SRP14: variants seen among roughly 807,000 people sequenced by gnomAD.
SRP14 encodes the protein signal recognition particle 14, also known as signal recognition particle 14 kDa protein.
In SRP14, 1 loss-of-function variant was observed where a neutral mutation model predicts 16.0. That is an observed-to-expected ratio of 0.06 (90% CI 0.02 to 0.30). The LOEUF is 0.30. Ranked by LOEUF, SRP14 falls within the 10% of genes least tolerant of loss-of-function variation. SRP14 has a pLI of 1.00. For missense variants in SRP14, 120 were observed against 163.1 expected, an observed-to-expected ratio of 0.74 and a Z score of 1.44; for synonymous variants, 67 against 60.1, an observed-to-expected ratio of 1.12 and a Z score of -0.53.
Position 40,036,274 on chromosome 15 carries a change from C to G in SRP14, c.*59G>C. On this transcript the variant is annotated 3_prime_UTR_variant, in exon 5 of 5. Transcript: ENST00000267884. ...GGGAACCAGAAACCTAGCTATCTGG[C>G]CAAAAGGAAAAAATAGCAATTCAGT... is the stretch of plus-strand genomic sequence containing the variant. 6.2e-7 allele frequency: 1 copy of G among 1,600,930 alleles called. No homozygotes were observed. Among genetic ancestry groups the G allele is most frequent in the Non-Finnish European group, 8.5e-7 (1 of 1,170,430 alleles).
intron 3 of SRP14, among the ~76,000 whole-genome samples, chr15:40,037,867 T>C (rs535853253): frequency 6.7e-6 from 1 of 150,026 alleles, no homozygotes; most frequent in Non-Finnish European, 1.5e-5. Flanking sequence ...ACTAAATGTA[T>C]ATTTTCTCAA....
chr15:40,039,036 G>A, intron 1 of SRP14, 57 bp downstream of exon 1: 2 of 1,606,904 alleles, frequency 1.2e-6, no homozygotes, highest in East Asian at 2.3e-5. Context: ...AGGAGGCACA[G>A]GTCTCGAGTA....
chr15:40,038,840 C>G (rs749654287), intron 2 of SRP14, 36 bp downstream of exon 2: 11 of 1,609,138 alleles, frequency 6.8e-6, no homozygotes, highest in Non-Finnish European at 9.3e-6. Flanking sequence ...ACCGGGAACC[C>G]AGGGAGCATC....
chr15:40,036,289 A>G lies in SRP14; in HGVS notation c.*44T>C, dbSNP rs1402844811. 1.2e-6 allele frequency: 2 copies of G among 1,605,096 alleles called. No homozygotes were observed. Among genetic ancestry groups the G allele is most frequent in the Non-Finnish European group, 1.7e-6 (2 of 1,172,724 alleles). On this transcript the variant is annotated 3_prime_UTR_variant, in exon 5 of 5. Transcript: ENST00000267884. ...AGCTATCTGGCCAAAAGGAAAAAATAGCAATTCAGTGGTTAATTGGTGAAA... is the reference window on the plus strand; with the variant it reads ...AGCTATCTGGCCAAAAGGAAAAAATGGCAATTCAGTGGTTAATTGGTGAAA...
At chr15:40,038,790 G>A (rs887038614) in intron 2 of SRP14, 86 bp downstream of exon 2, 11 of 1,431,154 alleles carry the variant, frequency 7.7e-6, no homozygotes, top group Non-Finnish European at 9.7e-6. Context: ...GTAGAGGAAG[G>A]CGGCGGTCCG....
rs183402454 is a variant in SRP14 at position 40,036,942 on chromosome 15, C to G, written c.243+44G>C. The G allele has an allele frequency of 1.4e-5, 23 of 1,608,058 alleles. No homozygotes were observed. The East Asian group carries it at 4.7e-4, about 33-fold the overall frequency. ...TACCCAGTGTTCACTATCATACTGACTCTTGCCCTGAGAAGGGAAACATAA... is the reference window on the plus strand; with the variant it reads ...TACCCAGTGTTCACTATCATACTGAGTCTTGCCCTGAGAAGGGAAACATAA... On this transcript the variant is annotated intron_variant, in intron 4 of 4. Coordinates refer to ENST00000267884, the MANE Select transcript of SRP14 (RefSeq NM_003134.6).
rs775429669 is a variant in SRP14, at chr15:40,038,358, G to T, written c.134C>A (p.Thr45Asn). Residue 45 changes from threonine (T) to asparagine (N), a missense_variant, in exon 3 of 5, where the codon ACT becomes AAT. Physicochemically the swap from Thr to Asn is moderately conservative, Grantham distance 65. This residue lies in a region of SRP14 where 44 missense variants were observed against 93.1 expected (regional missense o/e 0.47). Coordinates refer to ENST00000267884, the MANE Select transcript of SRP14 (RefSeq NM_003134.6). ...GTCTGCGGGCTCAAAGCCCTCCACAGTACCCTTCTTTGGAATGGGTTTGGT... is the reference window on the plus strand; with the variant it reads ...GTCTGCGGGCTCAAAGCCCTCCACATTACCCTTCTTTGGAATGGGTTTGGT... The part of the protein sequence containing the change: ...GRTKPIPKKG[T>N]VEGFEPADNK... 4 of 1,614,054 alleles carry T rather than the reference G, an allele frequency of 2.5e-6. No homozygotes were observed. Among genetic ancestry groups the T allele is most frequent in the Non-Finnish European group, 3.4e-6 (4 of 1,179,968 alleles).
intron 2 of SRP14, chr15:40,038,658 C>T: frequency 1.6e-6 from 1 of 617,538 alleles, no homozygotes; most frequent in Admixed American, 2.9e-5. Flanking sequence ...CCCTGGGCTG[C>T]TTGGGGCCCA....
At chr15:40,037,670 T>G (rs749046787) in intron 3 of SRP14, among the ~76,000 whole-genome samples, 27,391 of 71,480 alleles carry the variant, frequency 0.38, 3,576 homozygotes, top group Middle Eastern at 0.48. Context: ...CCACATAAGC[T>G]TGTTTTACTG....
chr15:40,038,218 G>T, intron 3 of SRP14, 64 bp downstream of exon 3: 2 of 1,308,984 alleles, frequency 1.5e-6, no homozygotes, highest in Non-Finnish European at 1.1e-6. Flanking sequence ...GTTCAGAAAC[G>T]CCCCATCCTC....
chr15:40,039,129 G>T lies in SRP14; in HGVS notation c.-13C>A, dbSNP rs369753846. The T allele has an allele frequency of 1.4e-5, 22 of 1,609,820 alleles. No individual in the cohort carries two copies. Among genetic ancestry groups the T allele is most frequent in the East Asian group, 2.2e-5 (1 of 44,768 alleles). ...CCAACAACACCATCGCGGCGACGCT[G>T]GCTCGACTCCCTCCGCTTAAGCCCC... On this transcript the variant is annotated 5_prime_UTR_variant, in exon 1 of 5. Coordinates refer to ENST00000267884, the MANE Select transcript of SRP14 (RefSeq NM_003134.6).
intron 2 of SRP14, chr15:40,038,631 G>A (rs1480052354): frequency 6.6e-6 from 4 of 609,028 alleles, no homozygotes; most frequent in Non-Finnish European, 1.2e-5. Flanking sequence ...GCGGCGTCTG[G>A]GATCCCTGAC....
At chr15:40,037,243 G>C in intron 3 of SRP14, 2 of 1,226,106 alleles carry the variant, frequency 1.6e-6, no homozygotes, top group South Asian at 3.3e-5. Context: ...CATGAGAATT[G>C]CACCAAGAGG....
chr15:40,038,474 G>A, intron 2 of SRP14, 80 bp from the exon 3 acceptor site: 2 of 994,308 alleles, frequency 2.0e-6, no homozygotes, highest in East Asian at 2.4e-5. Flanking sequence ...CAGAGGAGTG[G>A]GGTAAGTGAT....
Position 40,036,835 on chromosome 15 carries a change from G to A in SRP14, c.243+151C>T, listed in dbSNP as rs748581430. On this transcript the variant is annotated intron_variant, in intron 4 of 4. Coordinates refer to ENST00000267884, the MANE Select transcript of SRP14 (RefSeq NM_003134.6). ...TAGAAAGGAAGACGGTATTAGCATT[G>A]AAATTCACACCCTGGCAGCTTTTAC... 4 of 921,408 alleles carry A rather than the reference G, an allele frequency of 4.3e-6. No individual in the cohort carries two copies. In the South Asian group the frequency reaches 5.8e-5, roughly 13 times the overall value. 57.1% of individuals were successfully genotyped at this position (921,408 alleles called of 1,614,324 possible).
At chr15:40,038,147 G>T in intron 3 of SRP14, 135 bp downstream of exon 3, 5 of 684,656 alleles carry the variant, frequency 7.3e-6, no homozygotes. Context: ...CTAAAGTATA[G>T]GAAGGTCCTG....
Position 40,039,145 on chromosome 15 carries a change from C to A in SRP14, c.-29G>T, listed in dbSNP as rs376995619. The stretch of plus-strand genomic sequence containing the variant: ...GGCGACGCTGGCTCGACTCCCTCCG[C>A]TTAAGCCCCTAGCAGTGAGAGCCGG... On this transcript the variant is annotated 5_prime_UTR_variant, in exon 1 of 5. Transcript: ENST00000267884. 6.2e-6 allele frequency: 10 copies of A among 1,605,018 alleles called. No homozygotes were observed. The highest frequency in any genetic ancestry group is 8.5e-6 in the Non-Finnish European group (10 of 1,177,294).
In SRP14 at chr15:40,036,049, A is replaced by G. The variant is rs2035614574; in HGVS notation, c.*284T>C. ...GAATAAAGAGACAGTGCTGATAAAC[A>G]GACATGTTTAATGATAGCTTGCTCT... On this transcript the variant is annotated 3_prime_UTR_variant, in exon 5 of 5. Transcript: ENST00000267884. The G allele has an allele frequency of 2.2e-6, 1 of 463,936 alleles. No individual in the cohort carries two copies. Among genetic ancestry groups the G allele is most frequent in the East Asian group, 3.5e-5 (1 of 28,470 alleles). 28.7% of individuals were successfully genotyped at this position (463,936 alleles called of 1,614,324 possible).
chr15:40,036,511 C>A lies in SRP14; in HGVS notation c.244-11G>T, dbSNP rs1417462031. ...GAGGTTTGAATAAGCCTGAAAGATA[C>A]AACAGAGCATACCTTAGTGGGAAGA... is the stretch of plus-strand genomic sequence containing the variant. On this transcript the variant is annotated splice_polypyrimidine_tract_variant and intron_variant, in intron 4 of 4. Transcript: ENST00000267884. 2 of 1,612,244 alleles carry A rather than the reference C, an allele frequency of 1.2e-6. No individual in the cohort carries two copies. The highest frequency in any genetic ancestry group is 2.7e-5 in the African/African-American group (2 of 74,854).
Sources: allele counts gnomAD v4.1 joint callset (sites outside exome capture counted in the v4.1 genomes callset), GRCh38; gene constraint gnomAD v4.1.1; regional missense constraint gnomAD v4.1.1; transcripts MANE v1.5; gene names NCBI Gene and HGNC (gene_info 2026-07-23, HGNC 2026-07-21).